Variants in CDH4 observed in about 807,000 individuals in gnomAD.
The protein encoded by CDH4 is cadherin 4.
In CDH4, 33 loss-of-function variants were observed where a neutral mutation model predicts 86.0. That is an observed-to-expected ratio of 0.38 (90% CI 0.29 to 0.51). CDH4 has a LOEUF of 0.51. Among genes scored for constraint, CDH4 ranks in the 20% least tolerant of loss-of-function variants. The pLI, the probability that CDH4 is intolerant of heterozygous loss-of-function variation, is 0.86. For synonymous variants in CDH4, 555 were observed against 549.4 expected (o/e 1.01, Z -0.14); for missense variants, 1,114 against 1,307.4 (o/e 0.85, Z 2.28).
At chr20:61,674,173 A>C (rs2087421058) in intron 2 of CDH4, among the ~76,000 whole-genome samples, 1 of 152,188 alleles carries the variant, frequency 6.6e-6, no homozygotes, top group African/African-American at 2.4e-5. Flanking sequence ...AGCCCAGCAC[A>C]GCACACGCAA....
Position 61,613,419 on chromosome 20 carries a change from G to A in CDH4, c.170-130144G>A, listed in dbSNP as rs567840424. Among the ~76,000 whole-genome samples, 26 of 152,114 alleles carry A rather than the reference G, an allele frequency of 1.7e-4. No homozygotes were observed. The South Asian group carries it at 4.6e-3, about 27-fold the overall frequency. ...GTCAGTCAGTGGAGGAACCCCAAGTGCCAGGTAACAATCTTCTCACCTCCT... is the reference window on the plus strand; with the variant it reads ...GTCAGTCAGTGGAGGAACCCCAAGTACCAGGTAACAATCTTCTCACCTCCT... On this transcript the variant is annotated intron_variant, in intron 2 of 15. Transcript: ENST00000614565.
chr20:61,416,634 T>A (rs965740878), intron 2 of CDH4, among the ~76,000 whole-genome samples: 2 of 152,146 alleles, frequency 1.3e-5, no homozygotes, highest in African/African-American at 4.8e-5. Flanking sequence ...GTTTTAAAAT[T>A]TTTATTTTGG....
At chr20:61,598,810 G>A (rs2086576299) in intron 2 of CDH4, among the ~76,000 whole-genome samples, 1 of 152,234 alleles carries the variant, frequency 6.6e-6, no homozygotes, top group African/African-American at 2.4e-5. Flanking sequence ...GGTCCTCCAT[G>A]GAAGTGTGGT....
rs869235928 is a variant in CDH4, at chr20:61,422,424, C to CA, written c.169+167530dup. Among the ~76,000 whole-genome samples the CA allele has an allele frequency of 7.2e-3, 160 of 22,252 alleles. 21 individuals carry two copies. The highest frequency in any genetic ancestry group is 9.8e-3 in the Non-Finnish European group (120 of 12,288). The allele number at this position is 22,252 out of a possible 152,430, so 14.6% of individuals were successfully genotyped here. On this transcript the variant is annotated intron_variant, in intron 2 of 15. Transcript: ENST00000614565. ...GGGCAATAAGAGCAAAACTCCGTCT[C>CA]AAAAAAAAAAAAAAAAAAAAAAAAA...
At chr20:61,464,566 C>G (rs2085462573) in intron 2 of CDH4, among the ~76,000 whole-genome samples, 1 of 152,234 alleles carries the variant, frequency 6.6e-6, no homozygotes, top group South Asian at 2.1e-4. Context: ...TGAGTAGTGA[C>G]TAATACTAGA....
intron 8 of CDH4, among the ~76,000 whole-genome samples, chr20:61,907,983 G>C (rs1023257749): frequency 1.3e-5 from 2 of 152,160 alleles, no homozygotes; most frequent in Non-Finnish European, 2.9e-5. Flanking sequence ...TGATTGTATC[G>C]GGATGTGAAT....
intron 7 of CDH4, among the ~76,000 whole-genome samples, chr20:61,882,787 GT>G: frequency 6.6e-6 from 1 of 152,196 alleles, no homozygotes. Context: ...ATTCCCGAGG[GT>G]TTCCCGGCAC....
At chr20:61,866,212 A>G (rs760289862) in intron 6 of CDH4, among the ~76,000 whole-genome samples, 51 of 152,146 alleles carry the variant, frequency 3.4e-4, no homozygotes, top group Non-Finnish European at 7.1e-4. Context: ...TATACACAAC[A>G]TAGGTCTCAA....
intron 2 of CDH4, among the ~76,000 whole-genome samples, chr20:61,531,518 T>TTCCATTTG (rs1364928304): frequency 6.6e-6 from 1 of 151,274 alleles, no homozygotes; most frequent in Non-Finnish European, 1.5e-5. Context: ...AAGGATTTAC[T>TTCCATTTG]TCCATTTGTT....
intron 2 of CDH4, among the ~76,000 whole-genome samples, chr20:61,288,953 T>C (rs1487513002): frequency 7.0e-6 from 1 of 143,352 alleles, no homozygotes. Flanking sequence ...AAGTGGCTTA[T>C]AGAGATCCTA....
At chr20:61,896,111 C>T (rs533948972) in intron 8 of CDH4, among the ~76,000 whole-genome samples, 1 of 152,316 alleles carries the variant, frequency 6.6e-6, no homozygotes, top group South Asian at 2.1e-4. Context: ...CAGTGGCACA[C>T]CAGCTGCATC....
At position 61,392,115 on chromosome 20, in the gene CDH4, C is replaced by T. The variant is rs1369433434; in HGVS notation, c.169+137178C>T. On this transcript the variant is annotated intron_variant, in intron 2 of 15. Transcript: ENST00000614565. This position sits in a 1 kb window ranked among gnomAD's most constrained non-coding sequence, Gnocchi z 5.7. ...AAAGGCCTAGAGAGCTTTGCAGGAC[C>T]AAGTGGTGGTCGGGCAGCCCGTGCT... Among the ~76,000 whole-genome samples the T allele has an allele frequency of 6.6e-6, 1 of 151,842 alleles. No individual in the cohort carries two copies. The highest frequency in any genetic ancestry group is 2.4e-5 in the African/African-American group (1 of 41,338).
Position 61,594,399 on chromosome 20 carries a change from G to A in CDH4, c.170-149164G>A, listed in dbSNP as rs534929370. Among the ~76,000 whole-genome samples the A allele has an allele frequency of 3.0e-4, 45 of 152,270 alleles. No individual in the cohort carries two copies. The South Asian group carries it at 8.9e-3, about 30-fold the overall frequency. Reference sequence around the variant, plus strand: ...AGGACAGTGTGCCGCTCATTGGGCAGCCCCCACCGGGCCCACCTGGGTCTG... The same window carrying A: ...AGGACAGTGTGCCGCTCATTGGGCAACCCCCACCGGGCCCACCTGGGTCTG... On this transcript the variant is annotated intron_variant, in intron 2 of 15. Transcript: ENST00000614565.
chr20:61,819,836 C>T (rs1048003834), intron 4 of CDH4, among the ~76,000 whole-genome samples: 5 of 152,150 alleles, frequency 3.3e-5, no homozygotes, highest in African/African-American at 9.7e-5. Flanking sequence ...ATTTAGGGGG[C>T]CTGGTGGTTA....
intron 2 of CDH4, among the ~76,000 whole-genome samples, chr20:61,477,930 C>T (rs528828898): frequency 2.6e-5 from 4 of 152,292 alleles, no homozygotes; most frequent in African/African-American, 7.2e-5. Flanking sequence ...TCTCTCTCTC[C>T]GTCTTACACA....
intron 4 of CDH4, among the ~76,000 whole-genome samples, chr20:61,775,688 C>T (rs2088832725): frequency 1.3e-5 from 2 of 152,180 alleles, no homozygotes; most frequent in Admixed American, 1.3e-4. Flanking sequence ...ACAGGGTAGG[C>T]ACATTATTTG....
chr20:61,794,244 G>A (rs960251244), intron 4 of CDH4, among the ~76,000 whole-genome samples: 16 of 152,110 alleles, frequency 1.1e-4, no homozygotes, highest in Admixed American at 8.5e-4. Flanking sequence ...TCTGATGTGA[G>A]TACTTCTTTG....
intron 2 of CDH4, among the ~76,000 whole-genome samples, chr20:61,673,397 C>A (rs558136172): frequency 1.0e-3 from 159 of 152,332 alleles, no homozygotes; most frequent in African/African-American, 3.7e-3. Context: ...TAAAGGCCCA[C>A]GTGAAGGGCA....
intron 2 of CDH4, among the ~76,000 whole-genome samples, chr20:61,401,420 C>G (rs186720259): frequency 1.3e-5 from 2 of 152,078 alleles, no homozygotes; most frequent in Admixed American, 6.6e-5. Context: ...CAGAATCTCA[C>G]GATTGCACCC....
Sources: gnomAD v4.1 joint callset for allele counts (sites outside exome capture counted in the v4.1 genomes callset) on GRCh38, gnomAD v4.1.1 for gene constraint, Gnocchi (gnomAD v3.1) non-coding constraint, MANE v1.5 for transcripts, NCBI Gene and HGNC (gene_info 2026-07-23, HGNC 2026-07-21) for gene names.